The following TNFSF4 variants were observed in gnomAD, a reference collection of about 807,000 sequenced individuals.
TNFSF4 encodes the protein TNF superfamily member 4, also known as tumor necrosis factor ligand superfamily member 4.
TNFSF4 carries 4 observed loss-of-function variants against 7.3 expected under a neutral mutation model. The observed-to-expected ratio is 0.55, with a 90% CI of 0.27 to 1.25. The LOEUF (loss-of-function observed/expected upper bound fraction) is 1.25, where lower values mean the gene tolerates loss of function less well. Ranked by LOEUF, TNFSF4 falls within the 50% of genes most tolerant of loss-of-function variation. TNFSF4 has a pLI of 0.12. For missense variants in TNFSF4, 181 were observed against 208.8 expected, an observed-to-expected ratio of 0.87 and a Z score of 0.82; for synonymous variants, 76 against 83.7, an observed-to-expected ratio of 0.91 and a Z score of 0.50.
the TNFSF4 span, among the ~76,000 whole-genome samples, chr1:173,395,377 AATATATATATATATATATAT>A: frequency 3.5e-3 from 224 of 63,234 alleles, 6 homozygotes; most frequent in South Asian, 0.017. Flanking sequence ...CTGTGTATAT[AATATATATATATATATATAT>A]ATATATATAT....
chr1:173,377,452 G>C, the TNFSF4 span, among the ~76,000 whole-genome samples: 1 of 152,130 alleles, frequency 6.6e-6, no homozygotes, highest in Non-Finnish European at 1.5e-5. Flanking sequence ...CTGGGGTCCC[G>C]ACAACAAGTT....
chr1:173,199,896 T>A (rs1220801833), intron 1 of TNFSF4, among the ~76,000 whole-genome samples: 3 of 152,192 alleles, frequency 2.0e-5, no homozygotes, highest in African/African-American at 7.2e-5. Context: ...AATTACTGAA[T>A]TAGTACTAGA....
chr1:173,369,836 G>C, the TNFSF4 span, among the ~76,000 whole-genome samples: 3 of 152,090 alleles, frequency 2.0e-5, no homozygotes, highest in African/African-American at 7.2e-5. Context: ...TTATGTCCAA[G>C]CTTTTTTTTT....
At chr1:173,178,002 C>T in the TNFSF4 span, among the ~76,000 whole-genome samples, 1 of 152,054 alleles carries the variant, frequency 6.6e-6, no homozygotes, top group Admixed American at 6.6e-5. Context: ...AACTAGCCAC[C>T]ATTAATATCA....
the TNFSF4 span, among the ~76,000 whole-genome samples, chr1:173,299,351 G>A: frequency 6.6e-6 from 1 of 151,860 alleles, no homozygotes; most frequent in Non-Finnish European, 1.5e-5. Context: ...TCTGATCACT[G>A]GTGGATGGGA....
At chr1:173,440,188 A>T in the TNFSF4 span, among the ~76,000 whole-genome samples, 3 of 152,218 alleles carry the variant, frequency 2.0e-5, no homozygotes, top group Admixed American at 6.5e-5. Context: ...CCCAGAGAAC[A>T]TGCAGAACAT....
At chr1:173,297,386 A>G in the TNFSF4 span, among the ~76,000 whole-genome samples, 1 of 151,980 alleles carries the variant, frequency 6.6e-6, no homozygotes, top group Non-Finnish European at 1.5e-5. Context: ...TTTCACAGTC[A>G]TTGCTGTTTG....
chr1:173,250,561 G>C, the TNFSF4 span, among the ~76,000 whole-genome samples: 1 of 151,540 alleles, frequency 6.6e-6, no homozygotes, highest in Non-Finnish European at 1.5e-5. Flanking sequence ...CCGGGTTCAC[G>C]CCATTCTCCT....
intron 1 of TNFSF4, among the ~76,000 whole-genome samples, chr1:173,189,674 T>G (rs892417411): frequency 6.6e-6 from 1 of 152,248 alleles, no homozygotes; most frequent in East Asian, 1.9e-4. Flanking sequence ...TGCAGAATTA[T>G]ACATAAAATA....
the TNFSF4 span, among the ~76,000 whole-genome samples, chr1:173,391,355 C>G: frequency 7.3e-6 from 1 of 137,494 alleles, no homozygotes; most frequent in African/African-American, 2.8e-5. Context: ...TTAGCTCTCT[C>G]TGATTATTTC....
the TNFSF4 span, among the ~76,000 whole-genome samples, chr1:173,286,039 T>G: frequency 6.6e-6 from 1 of 152,218 alleles, no homozygotes; most frequent in Admixed American, 6.5e-5. Context: ...GGAAGATGTT[T>G]TTAATTAACT....
chr1:173,263,715 T>A, the TNFSF4 span, among the ~76,000 whole-genome samples: 1 of 129,272 alleles, frequency 7.7e-6, no homozygotes, highest in Admixed American at 8.3e-5. Context: ...CCTTCAGAGA[T>A]GTTCCAAAAA....
chr1:173,207,470 T>C (rs1485779472), upstream of TNFSF4, among the ~76,000 whole-genome samples: 1 of 152,120 alleles, frequency 6.6e-6, no homozygotes. Context: ...GAGTTGTTTT[T>C]GTGACATTCC....
chr1:173,191,686 T>G (rs1649485389), intron 1 of TNFSF4, among the ~76,000 whole-genome samples: 1 of 152,216 alleles, frequency 6.6e-6, no homozygotes, highest in Non-Finnish European at 1.5e-5. Flanking sequence ...GACTTTGGAG[T>G]CAGATTTAGT....
chr1:173,251,977 A>T, the TNFSF4 span, among the ~76,000 whole-genome samples: 2 of 152,216 alleles, frequency 1.3e-5, no homozygotes, highest in African/African-American at 4.8e-5. Context: ...TGATTGGAAA[A>T]TAAGGTAAAT....
the TNFSF4 span, among the ~76,000 whole-genome samples, chr1:173,442,539 G>GTTTTTTT: frequency 9.0e-6 from 1 of 111,032 alleles, no homozygotes; most frequent in Non-Finnish European, 1.9e-5. Flanking sequence ...TTGGTTTTTC[G>GTTTTTTT]TTTTTGTTTT....
the TNFSF4 span, among the ~76,000 whole-genome samples, chr1:173,375,424 G>A: frequency 6.6e-6 from 1 of 152,198 alleles, no homozygotes; most frequent in Non-Finnish European, 1.5e-5. Flanking sequence ...AGAGGGGATT[G>A]AGAGGTGAAG....
At chr1:173,225,527 A>C in the TNFSF4 span, among the ~76,000 whole-genome samples, 1 of 152,212 alleles carries the variant, frequency 6.6e-6, no homozygotes, top group Non-Finnish European at 1.5e-5. Context: ...ACTATCTTTC[A>C]TAAGAAAAGG....
At chr1:173,218,028 C>T in the TNFSF4 span, among the ~76,000 whole-genome samples, 1 of 152,156 alleles carries the variant, frequency 6.6e-6, no homozygotes, top group Non-Finnish European at 1.5e-5. Context: ...GGATTATAGG[C>T]GTGAACCACC....
Sources: allele counts gnomAD v4.1 joint callset (sites outside exome capture counted in the v4.1 genomes callset), GRCh38; gene constraint gnomAD v4.1.1; transcripts MANE v1.5; gene names NCBI Gene and HGNC (gene_info 2026-07-23, HGNC 2026-07-21).